SOCS5: variants seen among roughly 807,000 people sequenced by gnomAD.
SOCS5 encodes CIS-6.
Under a neutral mutation model 42.8 loss-of-function variants are expected in SOCS5, and 32 were observed. The observed-to-expected ratio is 0.75, with a 90% CI of 0.56 to 1.01. The LOEUF is 1.01. Ranked by LOEUF, SOCS5 falls within the 50% of genes least tolerant of loss-of-function variation. The pLI is 0.00. For missense variants in SOCS5, 627 were observed against 653.0 expected, an observed-to-expected ratio of 0.96 and a Z score of 0.43; for synonymous variants, 283 against 229.6, an observed-to-expected ratio of 1.23 and a Z score of -2.10.
At chr2:46,721,362 C>A (rs1467023028) in intron 1 of SOCS5, among the ~76,000 whole-genome samples, 5 of 152,040 alleles carry the variant, frequency 3.3e-5, no homozygotes, top group African/African-American at 1.2e-4. Flanking sequence ...TTGTATGACC[C>A]TTAGGGCATG....
intron 1 of SOCS5, among the ~76,000 whole-genome samples, chr2:46,746,630 G>T (rs1167247502): frequency 6.7e-6 from 1 of 149,694 alleles, no homozygotes; most frequent in Non-Finnish European, 1.5e-5. Flanking sequence ...CAGCCTGGGC[G>T]ACAGAGACTC....
intron 1 of SOCS5, among the ~76,000 whole-genome samples, chr2:46,713,333 G>A (rs1290964162): frequency 6.6e-6 from 1 of 152,228 alleles, no homozygotes; most frequent in African/African-American, 2.4e-5. Flanking sequence ...TCCAGGGTGG[G>A]TGACAGAGTG....
At chr2:46,714,736 G>A (rs1672701610) in intron 1 of SOCS5, among the ~76,000 whole-genome samples, 1 of 152,166 alleles carries the variant, frequency 6.6e-6, no homozygotes, top group African/African-American at 2.4e-5. Context: ...TGCACTTAAT[G>A]TAATTTTGAT....
intron 1 of SOCS5, among the ~76,000 whole-genome samples, chr2:46,739,190 A>G (rs1019952103): frequency 6.6e-6 from 1 of 152,134 alleles, no homozygotes; most frequent in Non-Finnish European, 1.5e-5. Context: ...ATACATAACC[A>G]TATGGAGTCA....
chr2:46,755,846 CCT>C (rs1368453728), intron 1 of SOCS5, among the ~76,000 whole-genome samples: 1 of 152,160 alleles, frequency 6.6e-6, no homozygotes, highest in Non-Finnish European at 1.5e-5. Flanking sequence ...GAAATGCCTT[CCT>C]GATTGTTATG....
intron 1 of SOCS5, among the ~76,000 whole-genome samples, chr2:46,747,399 A>T (rs72802464): frequency 0.069 from 10,510 of 152,038 alleles, 500 homozygotes; most frequent in Non-Finnish European, 0.11. Flanking sequence ...TTTTGTATAT[A>T]GAGGCAGGGT....
intron 1 of SOCS5, among the ~76,000 whole-genome samples, chr2:46,725,059 A>G (rs1019209722): frequency 3.3e-5 from 5 of 151,914 alleles, no homozygotes; most frequent in African/African-American, 1.2e-4. Context: ...TTAGGTGCAT[A>G]CACATTTAGG....
chr2:46,707,062 G>T (rs779877860), intron 1 of SOCS5, among the ~76,000 whole-genome samples: 1 of 152,190 alleles, frequency 6.6e-6, no homozygotes, highest in Non-Finnish European at 1.5e-5. Flanking sequence ...GGACAAAGAG[G>T]ATGCAGTGAA....
Position 46,713,427 on chromosome 2 carries a change from G to T in SOCS5, c.-13+13978G>T, listed in dbSNP as rs192147278. On this transcript the variant is annotated intron_variant, in intron 1 of 1. Transcript: ENST00000394861. ...CTGTTTTGGTAATTTGCATTTTGGA[G>T]AATCTGTTGAATTTATCAGCATGAA... 9.9e-5 allele frequency among the ~76,000 whole-genome samples: 15 copies of T among 152,272 alleles called. No individual in the cohort carries two copies. In the East Asian group the frequency reaches 2.7e-3, roughly 27 times the overall value.
At chr2:46,715,087 GCAATTAAAAGTGA>G (rs1184469303) in intron 1 of SOCS5, among the ~76,000 whole-genome samples, 3 of 152,044 alleles carry the variant, frequency 2.0e-5, no homozygotes, top group African/African-American at 7.2e-5. Context: ...ACCTTTTCAA[GCAATTAAAAGTGA>G]CAAAAATACT....
chr2:46,709,463 A>G (rs1179487143), intron 1 of SOCS5, among the ~76,000 whole-genome samples: 1 of 152,202 alleles, frequency 6.6e-6, no homozygotes, highest in East Asian at 1.9e-4. Flanking sequence ...GGTGGTGTTT[A>G]GCACTTAGTG....
chr2:46,701,099 C>T (rs956484526), intron 1 of SOCS5, among the ~76,000 whole-genome samples: 1 of 152,078 alleles, frequency 6.6e-6, no homozygotes, highest in Non-Finnish European at 1.5e-5. Context: ...ACTATTCGTC[C>T]TCAGGGAGAA....
rs747064065 is a variant in SOCS5, at chr2:46,759,477, C to T, written c.947C>T (p.Ala316Val). The change falls in exon 2 of 2, where the codon GCA becomes GTA. Residue 316 changes from alanine (A) to valine (V), a missense_variant. Coordinates refer to ENST00000394861, the MANE Select transcript of SOCS5 (RefSeq NM_144949.3). ...GMTEISGDSS[A>V]IPQANCDSEE... ...ACTGAAATAAGTGGGGACAGTTCTGCAATTCCACAAGCTAATTGTGACTCG... is the reference window on the plus strand; with the variant it reads ...ACTGAAATAAGTGGGGACAGTTCTGTAATTCCACAAGCTAATTGTGACTCG... 3 of 1,613,972 alleles carry T rather than the reference C, an allele frequency of 1.9e-6. No individual in the cohort carries two copies. The South Asian group carries it at 3.3e-5, about 18-fold the overall frequency.
chr2:46,742,169 A>G (rs1396830217), intron 1 of SOCS5, among the ~76,000 whole-genome samples: 1 of 152,224 alleles, frequency 6.6e-6, no homozygotes, highest in Non-Finnish European at 1.5e-5. Flanking sequence ...TTGGCCAAGT[A>G]TACATCTGAT....
chr2:46,748,127 C>T (rs1427955375), intron 1 of SOCS5, among the ~76,000 whole-genome samples: 2 of 151,814 alleles, frequency 1.3e-5, no homozygotes, highest in Non-Finnish European at 2.9e-5. Flanking sequence ...CGATACCCTT[C>T]TCAAATATCC....
At chr2:46,736,987 T>G (rs1336592409) in intron 1 of SOCS5, among the ~76,000 whole-genome samples, 3 of 152,162 alleles carry the variant, frequency 2.0e-5, no homozygotes, top group Non-Finnish European at 2.9e-5. Context: ...AATTTCAGAT[T>G]TTTGGATTTA....
chr2:46,715,969 T>G (rs1459936200), intron 1 of SOCS5, among the ~76,000 whole-genome samples: 4 of 152,216 alleles, frequency 2.6e-5, no homozygotes, highest in Non-Finnish European at 4.4e-5. Flanking sequence ...TGTCCATTTT[T>G]CTTCCAATCT....
intron 1 of SOCS5, among the ~76,000 whole-genome samples, chr2:46,708,029 G>A (rs1003389852): frequency 6.6e-6 from 1 of 152,204 alleles, no homozygotes; most frequent in Non-Finnish European, 1.5e-5. Flanking sequence ...ATGGTTGTGA[G>A]TTTAACCAAA....
At chr2:46,740,926 T>C (rs1451302456) in intron 1 of SOCS5, among the ~76,000 whole-genome samples, 1 of 152,140 alleles carries the variant, frequency 6.6e-6, no homozygotes, top group Admixed American at 6.5e-5. Flanking sequence ...TTTGAGTATG[T>C]CAGAACCTTG....
Sources: allele counts gnomAD v4.1 joint callset (sites outside exome capture counted in the v4.1 genomes callset), GRCh38; gene constraint gnomAD v4.1.1; transcripts MANE v1.5; gene names NCBI Gene and HGNC (gene_info 2026-07-23, HGNC 2026-07-21).